Variants in ADGRL2 observed in about 807,000 individuals in gnomAD.
The protein encoded by ADGRL2 is adhesion G protein-coupled receptor L2.
In ADGRL2, 44 loss-of-function variants were observed where a neutral mutation model predicts 157.4. The observed-to-expected ratio is 0.28, with a 90% CI of 0.22 to 0.36. The LOEUF (loss-of-function observed/expected upper bound fraction) is 0.36, where lower values mean the gene tolerates loss of function less well. ADGRL2 is among the 10% of genes least tolerant of loss of function. The pLI, the probability that ADGRL2 is intolerant of heterozygous loss-of-function variation, is 1.00. For synonymous variants in ADGRL2, 585 were observed against 624.7 expected (o/e 0.94, Z 0.95); for missense variants, 1,510 against 1,768.9 (o/e 0.85, Z 2.63).
chr1:81,669,770 G>A (rs1341412511), intron 3 of ADGRL2, among the ~76,000 whole-genome samples: 3 of 151,874 alleles, frequency 2.0e-5, no homozygotes, highest in African/African-American at 4.8e-5. Flanking sequence ...GTGAAACCCT[G>A]TCTCTACTAA....
chr1:81,528,340 G>T (rs2079515382), intron 2 of ADGRL2, among the ~76,000 whole-genome samples: 1 of 152,012 alleles, frequency 6.6e-6, no homozygotes, highest in Non-Finnish European at 1.5e-5. Context: ...AGGTAGCTGA[G>T]GTTCTTTAGA....
At chr1:81,948,738 A>T (rs1650755859) in intron 6 of ADGRL2, among the ~76,000 whole-genome samples, 2 of 152,232 alleles carry the variant, frequency 1.3e-5, no homozygotes, top group Non-Finnish European at 2.9e-5. Flanking sequence ...GCTAGGCATG[A>T]TGTTTGACTG....
chr1:81,950,704 C>T (rs929943281), intron 7 of ADGRL2, among the ~76,000 whole-genome samples: 1 of 152,096 alleles, frequency 6.6e-6, no homozygotes, highest in African/African-American at 2.4e-5. Context: ...TAGGTCAAGC[C>T]TGAGATTTTT....
At chr1:81,595,969 C>A (rs577424138) in intron 3 of ADGRL2, among the ~76,000 whole-genome samples, 2 of 152,080 alleles carry the variant, frequency 1.3e-5, no homozygotes, top group Non-Finnish European at 2.9e-5. Flanking sequence ...CCTCACAGGG[C>A]GGAAGGGGTG....
At chr1:81,659,470 A>G (rs1408970730) in intron 3 of ADGRL2, among the ~76,000 whole-genome samples, 2 of 152,164 alleles carry the variant, frequency 1.3e-5, no homozygotes, top group Non-Finnish European at 2.9e-5. Flanking sequence ...ACTCTGCAAG[A>G]AAGTTTAGTA....
At chr1:81,799,707 T>G (rs1434968294), upstream of ADGRL2, among the ~76,000 whole-genome samples, 1 of 152,240 alleles carries the variant, frequency 6.6e-6, no homozygotes, top group Non-Finnish European at 1.5e-5. Context: ...ACCTATTGTT[T>G]CTGAAAGCAA....
chr1:81,313,241 C>G (rs1659873279), intron 1 of ADGRL2, among the ~76,000 whole-genome samples: 1 of 152,182 alleles, frequency 6.6e-6, no homozygotes, highest in Non-Finnish European at 1.5e-5. Context: ...AAGCGCTGAT[C>G]CTAACCTGTT....
intron 1 of ADGRL2, among the ~76,000 whole-genome samples, chr1:81,377,713 G>T (rs1252327286): frequency 6.6e-6 from 1 of 152,020 alleles, no homozygotes; most frequent in Non-Finnish European, 1.5e-5. Flanking sequence ...TTAATTGCTG[G>T]AGAATTATTC....
intron 2 of ADGRL2, among the ~76,000 whole-genome samples, chr1:81,540,697 C>T (rs998371773): frequency 6.6e-6 from 1 of 152,122 alleles, no homozygotes; most frequent in Non-Finnish European, 1.5e-5. Flanking sequence ...CCAGATCATA[C>T]AGGTACTGAC....
At chr1:81,921,427 AGT>A (rs1192960412) in intron 3 of ADGRL2, among the ~76,000 whole-genome samples, 1 of 152,198 alleles carries the variant, frequency 6.6e-6, no homozygotes, top group African/African-American at 2.4e-5. Flanking sequence ...TAATGTGTAT[AGT>A]GTGTCTTTAA....
intron 2 of ADGRL2, among the ~76,000 whole-genome samples, chr1:81,782,742 G>C (rs536221519): frequency 6.6e-6 from 1 of 152,168 alleles, no homozygotes; most frequent in Admixed American, 6.5e-5. Context: ...ATTGGAAGTC[G>C]GTGTAGGGTT....
chr1:81,621,736 C>G (rs772865505), intron 3 of ADGRL2, among the ~76,000 whole-genome samples: 1 of 152,182 alleles, frequency 6.6e-6, no homozygotes, highest in African/African-American at 2.4e-5. Context: ...TCTTCATCGG[C>G]AGACCTGTGA....
At chr1:81,359,766 C>A (rs1021434377) in intron 1 of ADGRL2, among the ~76,000 whole-genome samples, 2 of 151,954 alleles carry the variant, frequency 1.3e-5, no homozygotes, top group African/African-American at 4.8e-5. Flanking sequence ...ATTACCACCC[C>A]CAACCTGTTT....
In ADGRL2 at chr1:81,987,978, G is replaced by A. The variant is rs187426989; in HGVS notation, c.3655+92G>A. 335 of 269,584 alleles carry A rather than the reference G, an allele frequency of 1.2e-3. 3 individuals are homozygous for A. The highest frequency in any genetic ancestry group is 6.7e-3 in the African/African-American group (289 of 43,100). 16.7% of individuals were successfully genotyped at this position (269,584 alleles called of 1,614,324 possible). The stretch of plus-strand genomic sequence containing the variant: ...CAATTAAAACATAACTAGCAGTCAT[G>A]AAGTAGACTCAGCGGGCAAGTGGTT... On this transcript the variant is annotated intron_variant, in intron 23 of 23. Transcript: ENST00000686636.
rs557395710 is a variant in ADGRL2, at chr1:81,400,558, C to T, written c.-301-44478C>T. ...TAGGGTATGGCTGCAGTTGAGGAAC[C>T]TGAGAACCTGAGCCAATAAGTCTCA... On this transcript the variant is annotated intron_variant, in intron 1 of 24. Coordinates refer to the ADGRL2 transcript ENST00000370721. Among the ~76,000 whole-genome samples the T allele has an allele frequency of 3.3e-5, 5 of 152,152 alleles. No individual in the cohort carries two copies. In the South Asian group the frequency reaches 1.0e-3, roughly 32 times the overall value.
At chr1:81,448,843 C>T (rs968790948) in intron 2 of ADGRL2, among the ~76,000 whole-genome samples, 4 of 152,232 alleles carry the variant, frequency 2.6e-5, no homozygotes, top group Admixed American at 6.5e-5. Context: ...ATTTTTCTTA[C>T]CATTTAACTA....
At position 81,969,441 on chromosome 1, in the gene ADGRL2, G is replaced by A. The variant is rs182492797; in HGVS notation, c.2733+54G>A. ...AGATCTCTGAAAATTATTTTAGTAG[G>A]TGTGAGGTGACATATGATACTGATA... is the stretch of plus-strand genomic sequence containing the variant. On this transcript the variant is annotated intron_variant, in intron 15 of 23. Coordinates refer to ENST00000686636, the MANE Select transcript of ADGRL2 (RefSeq NM_001366006.2). 8.9e-6 allele frequency: 11 copies of A among 1,232,014 alleles called. No homozygotes were observed. In the Admixed American group the frequency reaches 1.7e-4, roughly 20 times the overall value. 76.3% of individuals were successfully genotyped at this position (1,232,014 alleles called of 1,614,324 possible).
At chr1:81,441,297 C>T (rs1185054026) in intron 1 of ADGRL2, among the ~76,000 whole-genome samples, 2 of 151,956 alleles carry the variant, frequency 1.3e-5, no homozygotes, top group Non-Finnish European at 2.9e-5. Context: ...TGAATAAATC[C>T]ATTTTCAGCC....
At chr1:81,335,932 A>G (rs142712270) in intron 1 of ADGRL2, among the ~76,000 whole-genome samples, 14 of 152,268 alleles carry the variant, frequency 9.2e-5, no homozygotes, top group African/African-American at 3.4e-4. Context: ...GAAAATTTCT[A>G]CTTCAATCAA....
Sources: allele counts gnomAD v4.1 joint callset (sites outside exome capture counted in the v4.1 genomes callset), GRCh38; gene constraint gnomAD v4.1.1; transcripts MANE v1.5; gene names NCBI Gene and HGNC (gene_info 2026-07-23, HGNC 2026-07-21).